KCP: variants seen among roughly 807,000 people sequenced by gnomAD.
KCP encodes the protein kielin/chordin-like protein.
A neutral mutation model predicts 212.7 loss-of-function variants in KCP; 194 were observed. The ratio of observed to expected loss-of-function variants is 0.91; its 90% CI spans 0.81 to 1.03. The LOEUF (loss-of-function observed/expected upper bound fraction) is 1.03. Ranked by LOEUF, KCP falls within the 50% of genes least tolerant of loss-of-function variation. KCP has a pLI of 0.00. For missense variants in KCP, 2,080 were observed against 2,162.5 expected (o/e 0.96, Z 0.76); for synonymous variants, 833 against 865.3 (o/e 0.96, Z 0.65).
Position 128,885,248 on chromosome 7 carries a change from C to A in KCP, c.2889G>T (p.Glu963Asp). ...GCACCCATCTACTGCCTTCGGGGTGCTCTTCCCCATGAGCCAGGCAGCCTG... is the reference window on the plus strand; with the variant it reads ...GCACCCATCTACTGCCTTCGGGGTGATCTTCCCCATGAGCCAGGCAGCCTG... The part of the protein sequence containing the change: ...RCRGCLAHGE[E>D]HPEGSRWVPP... The change falls in exon 27 of 40, where the codon GAG becomes GAT. Residue 963 changes from glutamate to aspartate, a missense_variant. Physicochemically the swap from Glu to Asp is conservative, Grantham distance 45 (BLOSUM62 2). Coordinates refer to ENST00000610776, the MANE Select transcript of KCP (RefSeq NM_001366122.1). The A allele has an allele frequency of 6.5e-7, 1 of 1,547,174 alleles. No homozygotes were observed. Among genetic ancestry groups the A allele is most frequent in the South Asian group, 1.2e-5 (1 of 83,932 alleles).
chr7:128,907,161 G>T lies in KCP; in HGVS notation c.426C>A (p.Gly142=), dbSNP rs1209962841. Residue 142 remains glycine (G), a synonymous_variant, in exon 4 of 40, where the codon GGC becomes GGA. Transcript: ENST00000610776. The part of the protein sequence containing the change: ...LPHCRGCSQN[G]QTYGNGETFS... Reference sequence around the variant, plus strand: ...AGGTCTCCCCGTTGCCGTAGGTCTGGCCATTTTGGCTGCAGCCTAAGGAGA... The same window carrying T: ...AGGTCTCCCCGTTGCCGTAGGTCTGTCCATTTTGGCTGCAGCCTAAGGAGA... 2 of 1,551,508 alleles carry T rather than the reference G, an allele frequency of 1.3e-6. No homozygotes were observed. Among genetic ancestry groups the T allele is most frequent in the Admixed American group, 3.9e-5 (2 of 50,976 alleles).
rs1563032162 is a variant in KCP, at chr7:128,889,030, TACTC to T, written c.2341_2344del (p.Glu781ThrfsTer7). The T allele has an allele frequency of 6.7e-7, 1 of 1,501,894 alleles. No individual in the cohort carries two copies. The highest frequency in any genetic ancestry group is 1.3e-5 in the South Asian group (1 of 79,460). The allele number at this position is 1,501,894 out of a possible 1,614,324, so 93.0% of individuals were successfully genotyped here. On this transcript the variant is annotated frameshift_variant, in exon 22 of 40. Coordinates refer to ENST00000610776, the MANE Select transcript of KCP (RefSeq NM_001366122.1). LOFTEE classifies it high-confidence loss of function. ...GTTACTCAGGTAGGACTCCCCCAGG[TACTC>T]ACAGCCTTTCAGAGAAGAGACAGAG... is the stretch of plus-strand genomic sequence containing the variant.
At chr7:128,906,631 G>A (rs560036257) in intron 4 of KCP, among the ~76,000 whole-genome samples, 3 of 152,092 alleles carry the variant, frequency 2.0e-5, no homozygotes, top group Non-Finnish European at 2.9e-5. Context: ...GAAGAAGACC[G>A]AAGACTTTCT....
In KCP at chr7:128,890,900, G is replaced by T. The variant is rs570491690; in HGVS notation, c.2164+5C>A. ...TGGCCGGGAGGGGCACCGCCAGGGC[G>T]TTACCGTCGCAGGAGGGGCAGCAAG... On this transcript the variant is annotated splice_donor_5th_base_variant and intron_variant, in intron 20 of 39. Coordinates refer to ENST00000610776, the MANE Select transcript of KCP (RefSeq NM_001366122.1). 1,900 of 1,249,192 alleles carry T rather than the reference G, an allele frequency of 1.5e-3. 1 individual carries two copies. Among genetic ancestry groups the T allele is most frequent in the Non-Finnish European group, 1.8e-3 (1,773 of 1,002,012 alleles). The allele number at this position is 1,249,192 out of a possible 1,614,324, so 77.4% of individuals were successfully genotyped here. A position where few individuals can be genotyped will look rare whatever the true frequency, so the allele number is the denominator to read the frequency against.
chr7:128,892,069 A>ATG (rs948624396), intron 16 of KCP, among the ~76,000 whole-genome samples: 50 of 152,072 alleles, frequency 3.3e-4, no homozygotes, highest in Middle Eastern at 3.2e-3. Flanking sequence ...GTGCTTACAC[A>ATG]TGTGTGTACC....
rs1793917901 is a variant in KCP at position 128,888,987 on chromosome 7, G to A, written c.2388C>T (p.Pro796=). ...AGGTACACAGGTTGCAGGGTTCTCG[G>A]GGGTCTGGGAACTCCTGGTTACTCA... is the stretch of plus-strand genomic sequence containing the variant. ...SYLSNQEFPD[P]REPCNLCTCL... The change falls in exon 22 of 40, where the codon CCC becomes CCT. Residue 796 remains proline, a synonymous_variant. Transcript: ENST00000610776. 6.5e-7 allele frequency: 1 copy of A among 1,543,450 alleles called. No individual in the cohort carries two copies. The highest frequency in any genetic ancestry group is 1.4e-5 in the African/African-American group (1 of 72,750).
Position 128,907,441 on chromosome 7 carries a change from G to A in KCP, c.232C>T (p.Gln78Ter). 6.7e-7 allele frequency: 1 copy of A among 1,493,372 alleles called. No homozygotes were observed. Among genetic ancestry groups the A allele is most frequent in the Non-Finnish European group, 9.0e-7 (1 of 1,111,680 alleles). 92.5% of individuals were successfully genotyped at this position (1,493,372 alleles called of 1,614,324 possible). ...GACTCCAGCTGCCTCACCCTCGTCT[G>A]CAGGTCCTTATTCTGGAGGAAGGAG... ...MELREQNKDL[Q>*]TRVRQLESCE... is the part of the protein sequence containing the mutation. The change falls in exon 3 of 40, where the codon CAG (glutamine) becomes TAG (stop). Residue 78 changes from glutamine (Q) to a stop codon, truncating the protein, a stop_gained. Coordinates refer to ENST00000610776, the MANE Select transcript of KCP (RefSeq NM_001366122.1). LOFTEE classifies it high-confidence loss of function.
intron 8 of KCP, 117 bp downstream of exon 8, chr7:128,902,660 C>T: frequency 1.1e-6 from 1 of 938,486 alleles, no homozygotes; most frequent in Non-Finnish European, 1.6e-6. Context: ...GCGCCTAGGT[C>T]TTCTCCACTG....
intron 38 of KCP, among the ~76,000 whole-genome samples, chr7:128,878,055 CTTTT>C (rs34574520): frequency 7.6e-6 from 1 of 131,764 alleles, no homozygotes; most frequent in Non-Finnish European, 1.6e-5. Flanking sequence ...AACAAGCCTT[CTTTT>C]TTTTTTTTTT....
At position 128,881,664 on chromosome 7, in the gene KCP, C is replaced by T. The variant is rs544824378; in HGVS notation, c.3386G>A (p.Arg1129His). The change falls in exon 31 of 40, where the codon CGC becomes CAC. Residue 1129 changes from arginine to histidine, a missense_variant. Coordinates refer to ENST00000610776, the MANE Select transcript of KCP (RefSeq NM_001366122.1). ...CPELSCPLSE[R>H]HTPPGSCCPV... ...GCAGCAGCTCCCAGGGGGAGTGTGG[C>T]GCTCTGAGAGGGGACAGCTGAGCTC... The T allele has an allele frequency of 2.6e-5, 39 of 1,514,236 alleles. No homozygotes were observed. The highest frequency in any genetic ancestry group is 1.9e-4 in the South Asian group (15 of 77,700). 93.8% of individuals were successfully genotyped at this position (1,514,236 alleles called of 1,614,324 possible).
Position 128,888,567 on chromosome 7 carries a change from CAT to C in KCP, c.2512+294_2512+295del, listed in dbSNP as rs1429404645. On this transcript the variant is annotated intron_variant, in intron 22 of 39. Coordinates refer to ENST00000610776, the MANE Select transcript of KCP (RefSeq NM_001366122.1). ...ATACAGCAACACATACATACACACA[CAT>C]ATACACACGGCCACACACACACAGA... Among the ~76,000 whole-genome samples, 74 of 151,498 alleles carry C rather than the reference CAT, an allele frequency of 4.9e-4. 1 individual carries two copies. The highest frequency in any genetic ancestry group is 1.8e-3 in the African/African-American group (73 of 41,264).
At position 128,900,712 on chromosome 7, in the gene KCP, C is replaced by T. The variant is rs748091260; in HGVS notation, c.831+2065G>A. Among the ~76,000 whole-genome samples, 53 of 152,228 alleles carry T rather than the reference C, an allele frequency of 3.5e-4. 1 individual carries two copies. Among genetic ancestry groups the T allele is most frequent in the Admixed American group, 1.6e-3 (24 of 15,288 alleles). On this transcript the variant is annotated intron_variant, in intron 8 of 39. Transcript: ENST00000610776. ...GAGTTATGAATGGCCCTCGCCATGC[C>T]GATGCTTTCTGATTAAGCACCTCTG...
At chr7:128,908,186 A>C (rs2128951051) in intron 2 of KCP, among the ~76,000 whole-genome samples, 1 of 143,860 alleles carries the variant, frequency 7.0e-6, no homozygotes, top group South Asian at 2.3e-4. Context: ...GAAGGAAGGA[A>C]GGAAGGAAAA....
At chr7:128,887,000 G>T in intron 23 of KCP, 34 bp from the exon 24 acceptor site, 3 of 1,173,688 alleles carry the variant, frequency 2.6e-6, no homozygotes, top group Non-Finnish European at 3.7e-6. Flanking sequence ...CCCTCAACTG[G>T]ACTGCACATT....
intron 27 of KCP, 58 bp downstream of exon 27, chr7:128,885,039 A>C: frequency 1.3e-6 from 2 of 1,543,574 alleles, no homozygotes; most frequent in African/African-American, 1.4e-5. Flanking sequence ...AGCGGCAGGG[A>C]GGTGTGGGCC....
rs1384194033 is a variant in KCP, at chr7:128,888,873, C to T, written c.2502G>A (p.Pro834=). 11 of 1,549,100 alleles carry T rather than the reference C, an allele frequency of 7.1e-6. No homozygotes were observed. Among genetic ancestry groups the T allele is most frequent in the Middle Eastern group, 1.7e-4 (1 of 5,786 alleles). ...HPLIPSGHCC[P]TCQGCRYHGV... ...CAGGTGTGGCTCTACCCTGGCAGGT[C>T]GGGCAGCAGTGCCCAGAGGGGATGA... is the stretch of plus-strand genomic sequence containing the variant. The change falls in exon 22 of 40, where the codon CCG becomes CCA. Residue 834 remains proline, a synonymous_variant. Transcript: ENST00000610776.
At position 128,881,681 on chromosome 7, in the gene KCP, GC is replaced by G; in HGVS notation, c.3368del (p.Ser1123ThrfsTer137). 1 of 1,520,248 alleles carries G rather than the reference GC, an allele frequency of 6.6e-7. No individual in the cohort carries two copies. Among genetic ancestry groups the G allele is most frequent in the Non-Finnish European group, 8.8e-7 (1 of 1,139,356 alleles). 94.2% of individuals were successfully genotyped at this position (1,520,248 alleles called of 1,614,324 possible). A position where few individuals can be genotyped will look rare whatever the true frequency, so the allele number is the denominator to read the frequency against. On this transcript the variant is annotated frameshift_variant, in exon 31 of 40. Transcript: ENST00000610776. LOFTEE classifies it high-confidence loss of function. ...GAGTGTGGCGCTCTGAGAGGGGACAGCTGAGCTCAGGACAAGCCTGGTGGAT... is the reference window on the plus strand; with the variant it reads ...GAGTGTGGCGCTCTGAGAGGGGACAGTGAGCTCAGGACAAGCCTGGTGGAT... ...LCIHQACPELSCPLSERHTPP... is the reference protein window; with the variant it reads ...LCIHQACPELXCPLSERHTPP...
Position 128,880,002 on chromosome 7 carries a change from G to T in KCP, c.3843C>A (p.Pro1281=). 3 of 1,550,340 alleles carry T rather than the reference G, an allele frequency of 1.9e-6. No homozygotes were observed. Among genetic ancestry groups the T allele is most frequent in the Non-Finnish European group, 2.6e-6 (3 of 1,146,926 alleles). The part of the protein sequence containing the change: ...RPASCMAFGD[P]HYRTFDGRLL... Reference sequence around the variant, plus strand: ...GGCGGCCGTCGAAGGTGCGGTAATGGGGGTCTCCGAAGGCCATGCAGGAAG... The same window carrying T: ...GGCGGCCGTCGAAGGTGCGGTAATGTGGGTCTCCGAAGGCCATGCAGGAAG... Residue 1281 remains proline (P), a synonymous_variant, in exon 35 of 40, where the codon CCC becomes CCA. Transcript: ENST00000610776.
chr7:128,877,641 C>T lies in KCP; in HGVS notation c.4461G>A (p.Val1487=). Residue 1487 remains valine, a synonymous_variant, in exon 39 of 40, where the codon GTG becomes GTA. Transcript: ENST00000610776. ...AGGCGGCAAAGAAGGGCTCCGGTGG[C>T]ACCACAGCATGGCAGCGACTGAATG... The part of the protein sequence containing the change: ...SSPFSRCHAV[V]PPEPFFAACV... 1 of 1,551,648 alleles carries T rather than the reference C, an allele frequency of 6.4e-7. No homozygotes were observed. Among genetic ancestry groups the T allele is most frequent in the Non-Finnish European group, 8.7e-7 (1 of 1,146,988 alleles).
Sources: allele counts gnomAD v4.1 joint callset (sites outside exome capture counted in the v4.1 genomes callset), GRCh38; gene constraint gnomAD v4.1.1; transcripts MANE v1.5; gene names NCBI Gene and HGNC (gene_info 2026-07-23, HGNC 2026-07-21).